The following JAZF1 variants were observed in gnomAD, a reference collection of about 807,000 sequenced individuals.
JAZF1 encodes the protein juxtaposed with another zinc finger protein 1.
JAZF1 carries 8 observed loss-of-function variants against 26.4 expected under a neutral mutation model. The observed-to-expected ratio is 0.30, with a 90% CI of 0.18 to 0.55. The LOEUF is 0.55. JAZF1 is among the 20% of genes least tolerant of loss of function. The pLI is 0.94. For missense variants in JAZF1, 199 were observed against 322.0 expected (o/e 0.62, Z 2.92); for synonymous variants, 126 against 122.3 (o/e 1.03, Z -0.20).
At chr7:28,106,134 T>A (rs1784547314) in intron 1 of JAZF1, among the ~76,000 whole-genome samples, 1 of 152,178 alleles carries the variant, frequency 6.6e-6, no homozygotes, top group Admixed American at 6.5e-5. Context: ...AATGCTTTAT[T>A]TATGATAGTA....
At chr7:28,007,852 T>G (rs1782730861) in intron 1 of JAZF1, among the ~76,000 whole-genome samples, 1 of 152,318 alleles carries the variant, frequency 6.6e-6, no homozygotes, top group East Asian at 1.9e-4. Flanking sequence ...TCCCACCCCA[T>G]GCATGGCCTC....
At chr7:27,849,998 C>G (rs1783114328) in intron 3 of JAZF1, among the ~76,000 whole-genome samples, 1 of 152,158 alleles carries the variant, frequency 6.6e-6, no homozygotes, top group African/African-American at 2.4e-5. Flanking sequence ...TCTTCATAGT[C>G]ATAAACATAA....
intron 2 of JAZF1, among the ~76,000 whole-genome samples, chr7:27,945,810 A>G (rs76224479): frequency 2.7e-3 from 417 of 152,326 alleles, no homozygotes; most frequent in Non-Finnish European, 5.0e-3. Context: ...ATTCTGGGCC[A>G]ATTCACAGAA....
intron 3 of JAZF1, among the ~76,000 whole-genome samples, chr7:27,878,873 A>G (rs1208213644): frequency 2.0e-5 from 3 of 152,216 alleles, no homozygotes; most frequent in African/African-American, 7.2e-5. Context: ...CTTACCAGGC[A>G]ACAACTACTG....
chr7:27,856,256 G>C (rs1783248998), intron 3 of JAZF1, among the ~76,000 whole-genome samples: 1 of 152,180 alleles, frequency 6.6e-6, no homozygotes, highest in African/African-American at 2.4e-5. Flanking sequence ...GAGCGTTACA[G>C]CTCTTAAGGC....
At chr7:27,878,849 C>G (rs920651838) in intron 3 of JAZF1, among the ~76,000 whole-genome samples, 7 of 152,200 alleles carry the variant, frequency 4.6e-5, no homozygotes, top group Admixed American at 1.3e-4. Flanking sequence ...GTTCATGTCA[C>G]TAGAATCCCT....
intron 1 of JAZF1, among the ~76,000 whole-genome samples, chr7:28,110,052 A>C (rs186575704): frequency 2.6e-5 from 4 of 152,338 alleles, no homozygotes; most frequent in African/African-American, 9.6e-5. Context: ...ATAAAAAGGA[A>C]AACATTCATT....
At chr7:27,899,505 G>A (rs1741888853) in intron 2 of JAZF1, among the ~76,000 whole-genome samples, 3 of 152,144 alleles carry the variant, frequency 2.0e-5, no homozygotes. Context: ...TGTGATTACA[G>A]TGCACCGAAG....
At chr7:28,126,065 A>G (rs923754497) in intron 1 of JAZF1, among the ~76,000 whole-genome samples, 1 of 152,150 alleles carries the variant, frequency 6.6e-6, no homozygotes, top group African/African-American at 2.4e-5. Flanking sequence ...GCCTTATCCT[A>G]TGGTTCAAGT....
chr7:27,853,389 C>A (rs1380637899), intron 3 of JAZF1, among the ~76,000 whole-genome samples: 2 of 152,066 alleles, frequency 1.3e-5, no homozygotes, highest in African/African-American at 4.8e-5. Context: ...GGTTTCTTCC[C>A]ACATCCAGGG....
intron 1 of JAZF1, among the ~76,000 whole-genome samples, chr7:28,062,626 A>G (rs1457727429): frequency 6.6e-6 from 1 of 151,976 alleles, no homozygotes; most frequent in Non-Finnish European, 1.5e-5. Context: ...CAAAGCCAGC[A>G]AACTTCTGTG....
intron 2 of JAZF1, among the ~76,000 whole-genome samples, chr7:27,989,858 T>C (rs1254886979): frequency 1.3e-5 from 2 of 152,188 alleles, no homozygotes; most frequent in African/African-American, 2.4e-5. Flanking sequence ...AGTTCAACCA[T>C]TGTGGAAGAC....
chr7:27,945,237 G>A (rs1465415294), intron 2 of JAZF1, among the ~76,000 whole-genome samples: 2 of 152,136 alleles, frequency 1.3e-5, no homozygotes, highest in African/African-American at 4.8e-5. Context: ...ATTTCAAGCA[G>A]AATTGAGTGT....
At chr7:28,019,842 G>A (rs1169761514) in intron 1 of JAZF1, among the ~76,000 whole-genome samples, 1 of 151,982 alleles carries the variant, frequency 6.6e-6, no homozygotes, top group African/African-American at 2.4e-5. Context: ...CAAACAGACC[G>A]GACTCCAAAT....
intron 1 of JAZF1, among the ~76,000 whole-genome samples, chr7:28,042,108 C>T (rs994664057): frequency 2.0e-5 from 3 of 152,202 alleles, no homozygotes; most frequent in Non-Finnish European, 2.9e-5. Flanking sequence ...GCTGAAAGCA[C>T]ACAGGATAGG....
At chr7:27,934,955 G>A (rs1457696633) in intron 2 of JAZF1, among the ~76,000 whole-genome samples, 4 of 152,100 alleles carry the variant, frequency 2.6e-5, no homozygotes, top group African/African-American at 9.7e-5. Flanking sequence ...TTTTATATCT[G>A]ATAATGAACT....
chr7:27,971,356 C>T (rs940257151), intron 2 of JAZF1, among the ~76,000 whole-genome samples: 2 of 152,060 alleles, frequency 1.3e-5, no homozygotes, highest in African/African-American at 2.4e-5. Flanking sequence ...GGATATGCCG[C>T]TGACTTAGCT....
intron 2 of JAZF1, among the ~76,000 whole-genome samples, chr7:27,978,430 G>T (rs1039835845): frequency 5.3e-5 from 8 of 152,194 alleles, no homozygotes; most frequent in African/African-American, 1.7e-4. Flanking sequence ...ACTAAAAGAG[G>T]CACAAGAGGA....
chr7:28,113,697 C>T (rs1409029911), intron 1 of JAZF1, among the ~76,000 whole-genome samples: 2 of 152,152 alleles, frequency 1.3e-5, no homozygotes, highest in African/African-American at 2.4e-5. Context: ...AAGTAGCTTG[C>T]GAAGTCCACA....
Sources: allele counts gnomAD v4.1 joint callset (sites outside exome capture counted in the v4.1 genomes callset), GRCh38; gene constraint gnomAD v4.1.1; transcripts MANE v1.5; gene names NCBI Gene and HGNC (gene_info 2026-07-23, HGNC 2026-07-21).